Variants in SEC63 observed in about 807,000 individuals in gnomAD.
The protein encoded by SEC63 is translocation protein SEC63 homolog.
A neutral mutation model predicts 116.2 loss-of-function variants in SEC63; 56 were observed. The observed-to-expected ratio is 0.48, with a 90% CI of 0.39 to 0.60. The LOEUF (loss-of-function observed/expected upper bound fraction) is 0.60, where lower values mean the gene tolerates loss of function less well. SEC63 is among the 20% of genes least tolerant of loss of function. The probability of loss-of-function intolerance (pLI) is 0.00; values close to 1 mark genes in which losing one functional copy is unlikely to be tolerated. For synonymous variants in SEC63, 273 were observed against 294.6 expected (o/e 0.93, Z 0.75); for missense variants, 668 against 900.0 (o/e 0.74, Z 3.30).
At position 107,895,860 on chromosome 6, in the gene SEC63, T is replaced by C. The variant is rs1189979252; in HGVS notation, c.1440+1789A>G. On this transcript the variant is annotated intron_variant, in intron 14 of 20. Coordinates refer to ENST00000369002, the MANE Select transcript of SEC63 (RefSeq NM_007214.5). Reference sequence around the variant, plus strand: ...AGCCTACAGAGACCCGCACCTCTATTAAAAAAAAAAAAAAAAAAATTAGGC... The same window carrying C: ...AGCCTACAGAGACCCGCACCTCTATCAAAAAAAAAAAAAAAAAAATTAGGC... Among the ~76,000 whole-genome samples the C allele has an allele frequency of 2.9e-5, 3 of 103,688 alleles. No homozygotes were observed. In the Admixed American group the frequency reaches 3.2e-4, roughly 11 times the overall value. The allele number at this position is 103,688 out of a possible 152,430, so 68.0% of individuals were successfully genotyped here. A position where few individuals can be genotyped will look rare whatever the true frequency, so the allele number is the denominator to read the frequency against.
intron 18 of SEC63, among the ~76,000 whole-genome samples, chr6:107,879,991 T>C (rs754620433): frequency 3.3e-5 from 5 of 152,188 alleles, no homozygotes; most frequent in Admixed American, 6.6e-5. Context: ...CTAGGCAGCT[T>C]TGAGCACCCC....
intron 12 of SEC63, among the ~76,000 whole-genome samples, chr6:107,901,720 T>C (rs905888316): frequency 3.9e-5 from 6 of 151,968 alleles, no homozygotes; most frequent in African/African-American, 7.2e-5. Flanking sequence ...AATTTTTAAA[T>C]TATAAAGTTA....
chr6:107,927,893 A>G (rs1428783820), intron 2 of SEC63, among the ~76,000 whole-genome samples: 1 of 152,072 alleles, frequency 6.6e-6, no homozygotes, highest in African/African-American at 2.4e-5. Context: ...ATTACACTGT[A>G]TTTTCATTTA....
chr6:107,928,901 C>T (rs1787735887), intron 2 of SEC63, among the ~76,000 whole-genome samples: 1 of 152,242 alleles, frequency 6.6e-6, no homozygotes, highest in African/African-American at 2.4e-5. Context: ...CTTCTAACTA[C>T]ATGACTTTGG....
At chr6:107,881,847 T>C (rs1418995005) in intron 17 of SEC63, among the ~76,000 whole-genome samples, 1 of 152,222 alleles carries the variant, frequency 6.6e-6, no homozygotes, top group Non-Finnish European at 1.5e-5. Context: ...CATTTGGCTT[T>C]GTATTATCTT....
intron 18 of SEC63, among the ~76,000 whole-genome samples, chr6:107,878,448 A>G (rs1402887251): frequency 6.6e-6 from 1 of 152,252 alleles, no homozygotes; most frequent in Non-Finnish European, 1.5e-5. Flanking sequence ...CAAGTAGGGA[A>G]TGTAAGCAGC....
intron 8 of SEC63, among the ~76,000 whole-genome samples, chr6:107,907,971 G>A (rs533829167): frequency 2.2e-4 from 34 of 152,320 alleles, no homozygotes; most frequent in Middle Eastern, 3.4e-3. Context: ...ATTTTCATAA[G>A]GGAGTAAGTT....
intron 1 of SEC63, among the ~76,000 whole-genome samples, chr6:107,930,429 G>A (rs948283198): frequency 1.3e-4 from 19 of 151,826 alleles, no homozygotes; most frequent in Non-Finnish European, 2.2e-4. Flanking sequence ...TCAACATGGA[G>A]AAACCCTGTC....
rs538981118 is a variant in SEC63 at position 107,887,296 on chromosome 6, C to A, written c.1675-4150G>T. Among the ~76,000 whole-genome samples, 4 of 143,760 alleles carry A rather than the reference C, an allele frequency of 2.8e-5. No individual in the cohort carries two copies. The South Asian group carries it at 9.3e-4, about 34-fold the overall frequency. The allele number at this position is 143,760 out of a possible 152,430, so 94.3% of individuals were successfully genotyped here. A position where few individuals can be genotyped will look rare whatever the true frequency, so the allele number is the denominator to read the frequency against. On this transcript the variant is annotated intron_variant, in intron 16 of 20. Transcript: ENST00000369002. ...TCATGCTGCTATAAAGACACATGCACACGTATGTTTATTGCCGCATTATTC... is the reference window on the plus strand; with the variant it reads ...TCATGCTGCTATAAAGACACATGCAAACGTATGTTTATTGCCGCATTATTC...
intron 1 of SEC63, among the ~76,000 whole-genome samples, chr6:107,948,652 CTGAA>C (rs1327223589): frequency 6.6e-6 from 1 of 152,158 alleles, no homozygotes; most frequent in African/African-American, 2.4e-5. Flanking sequence ...TTTTGACATG[CTGAA>C]TGAAGAAGCC....
intron 8 of SEC63, among the ~76,000 whole-genome samples, chr6:107,907,000 T>C (rs964025632): frequency 6.6e-6 from 1 of 152,174 alleles, no homozygotes; most frequent in African/African-American, 2.4e-5. Context: ...AACAGAAGTA[T>C]AGATCAAATA....
intron 1 of SEC63, among the ~76,000 whole-genome samples, chr6:107,939,722 C>T (rs977485437): frequency 1.3e-5 from 2 of 151,458 alleles, no homozygotes. Flanking sequence ...GGTGAAAGTA[C>T]GAGATTGTCT....
Position 107,904,641 on chromosome 6 carries a change from G to C in SEC63, c.1042C>G (p.Arg348Gly), listed in dbSNP as rs375614069. The C allele has an allele frequency of 1.2e-6, 2 of 1,610,170 alleles. No homozygotes were observed. Among genetic ancestry groups the C allele is most frequent in the African/African-American group, 2.7e-5 (2 of 74,768 alleles). ...ATTTCCTCCTCACCTTCACGGTTCC[G>C]GGCCATTACTATTAGTTGGCAGATT... ...NVICQLIVMA[R>G]NREEREFRAP... Residue 348 changes from arginine (R) to glycine (G), a missense_variant, in exon 11 of 21, where the codon CGG (arginine) becomes GGG (glycine). Around this residue, in one of 5 missense-constraint regions of SEC63, gnomAD observed 430 missense variants for 557.5 expected, o/e 0.77. Coordinates refer to ENST00000369002, the MANE Select transcript of SEC63 (RefSeq NM_007214.5).
intron 17 of SEC63, 38 bp downstream of exon 17, chr6:107,882,950 T>C: frequency 7.4e-7 from 1 of 1,349,088 alleles, no homozygotes; most frequent in Non-Finnish European, 1.1e-6. Flanking sequence ...AGAGATATAA[T>C]TCCAATTATT....
chr6:107,929,372 A>G (rs1787747128), intron 2 of SEC63, 43 bp downstream of exon 2: 7 of 971,910 alleles, frequency 7.2e-6, no homozygotes, highest in Non-Finnish European at 1.2e-5. Context: ...CCTAGCAAAG[A>G]GTAAGCATTA....
intron 7 of SEC63, chr6:107,911,104 T>G: frequency 2.0e-6 from 1 of 510,568 alleles, no homozygotes; most frequent in Non-Finnish European, 3.5e-6. Flanking sequence ...TATATAATTT[T>G]TTTTTCAGTT....
chr6:107,901,958 A>C (rs1228528556), intron 12 of SEC63, among the ~76,000 whole-genome samples: 1 of 152,098 alleles, frequency 6.6e-6, no homozygotes, highest in Admixed American at 6.5e-5. Context: ...ACGCACCTTC[A>C]AAGTTTTACT....
At chr6:107,891,175 C>A (rs1786672873) in intron 16 of SEC63, among the ~76,000 whole-genome samples, 2 of 152,112 alleles carry the variant, frequency 1.3e-5, no homozygotes, top group Non-Finnish European at 2.9e-5. Context: ...AATTTGGTTC[C>A]ATTCTCCCCG....
chr6:107,924,961 A>C, intron 2 of SEC63, 29 bp from the exon 3 acceptor site: 1 of 1,199,658 alleles, frequency 8.3e-7, no homozygotes, highest in East Asian at 2.3e-5. Context: ...AGTGAATCAT[A>C]AACAAATACA....
Sources: allele counts gnomAD v4.1 joint callset (sites outside exome capture counted in the v4.1 genomes callset), GRCh38; gene constraint gnomAD v4.1.1; regional missense constraint gnomAD v4.1.1; transcripts MANE v1.5; gene names NCBI Gene and HGNC (gene_info 2026-07-23, HGNC 2026-07-21).